Variants in GAB1 observed in about 807,000 individuals in gnomAD.
GAB1 encodes the protein GRB2 associated binding protein 1.
GAB1 carries 19 observed loss-of-function variants against 66.5 expected under a neutral mutation model. The observed-to-expected ratio is 0.29, with a 90% CI of 0.20 to 0.42. The LOEUF (loss-of-function observed/expected upper bound fraction) is 0.42. Ranked by LOEUF, GAB1 falls within the 10% of genes least tolerant of loss-of-function variation. GAB1 has a pLI of 1.00. For missense variants in GAB1, 732 were observed against 858.5 expected (o/e 0.85, Z 1.84); for synonymous variants, 294 against 301.4 (o/e 0.98, Z 0.25).
intron 6 of GAB1, among the ~76,000 whole-genome samples, chr4:143,455,214 A>C (rs1735120491): frequency 6.6e-6 from 1 of 152,176 alleles, no homozygotes; most frequent in African/African-American, 2.4e-5. Flanking sequence ...AACTCTGAAA[A>C]TTTGTACCTA....
At chr4:143,431,558 C>G (rs781154414) in intron 2 of GAB1, among the ~76,000 whole-genome samples, 65 of 152,172 alleles carry the variant, frequency 4.3e-4, no homozygotes, top group Admixed American at 5.9e-4. Flanking sequence ...TTCTGGCTTT[C>G]AAACTTTACT....
At position 143,444,464 on chromosome 4, in the gene GAB1, C is replaced by T. The variant is rs1196603275; in HGVS notation, c.1585+4082C>T. The stretch of plus-strand genomic sequence containing the variant: ...TAGATCCTTAATATTGTGTGGGGAG[C>T]ATACAGAAGACTAATCCTGAGAGTT... On this transcript the variant is annotated intron_variant, in intron 6 of 9. Coordinates refer to ENST00000262994, the MANE Select transcript of GAB1 (RefSeq NM_002039.4). Among the ~76,000 whole-genome samples the T allele has an allele frequency of 2.0e-5, 3 of 152,142 alleles. No individual in the cohort carries two copies. The East Asian group carries it at 5.8e-4, about 29-fold the overall frequency.
At chr4:143,384,066 TTG>T (rs1461571477) in intron 1 of GAB1, among the ~76,000 whole-genome samples, 1 of 151,982 alleles carries the variant, frequency 6.6e-6, no homozygotes, top group East Asian at 1.9e-4. Context: ...GAGCAAGACC[TTG>T]TCTCTAAAAA....
At chr4:143,374,261 G>A (rs1730317751) in intron 1 of GAB1, among the ~76,000 whole-genome samples, 1 of 152,120 alleles carries the variant, frequency 6.6e-6, no homozygotes, top group African/African-American at 2.4e-5. Context: ...GGATCAGAAT[G>A]TGATTAAACA....
At chr4:143,337,348 G>A (rs1192403491) in intron 1 of GAB1, 88 bp downstream of exon 1, 2 of 1,137,200 alleles carry the variant, frequency 1.8e-6, no homozygotes, top group Non-Finnish European at 1.3e-6. Context: ...CTGGCCGCGC[G>A]CGGGGCTGGT....
At chr4:143,341,050 A>C (rs923332809) in intron 1 of GAB1, among the ~76,000 whole-genome samples, 2 of 152,200 alleles carry the variant, frequency 1.3e-5, no homozygotes, top group Non-Finnish European at 2.9e-5. Flanking sequence ...TTTTTTCTAT[A>C]TTCGCAAAAG....
intron 1 of GAB1, among the ~76,000 whole-genome samples, chr4:143,345,205 A>G (rs1728950030): frequency 6.6e-6 from 1 of 152,230 alleles, no homozygotes; most frequent in African/African-American, 2.4e-5. Context: ...AATAATGTTT[A>G]TCATCTTTCT....
At position 143,337,114 on chromosome 4, in the gene GAB1, G is replaced by A; in HGVS notation, c.-75G>A. 2.2e-6 allele frequency: 3 copies of A among 1,349,072 alleles called. No individual in the cohort carries two copies. The highest frequency in any genetic ancestry group is 4.3e-5 in the Admixed American group (2 of 46,444). 83.6% of individuals were successfully genotyped at this position (1,349,072 alleles called of 1,614,324 possible). ...GCTAGGTTCTCGCCACTGCGCGCTC[G>A]GCAGGCGTCGGCTGTGTCGGGAGCG... On this transcript the variant is annotated 5_prime_UTR_variant, in exon 1 of 10. Transcript: ENST00000262994.
intron 8 of GAB1, among the ~76,000 whole-genome samples, chr4:143,464,782 T>C (rs1735693635): frequency 6.6e-6 from 1 of 152,200 alleles, no homozygotes; most frequent in Non-Finnish European, 1.5e-5. Flanking sequence ...TACCAGCTAT[T>C]AGCAGCCCTG....
chr4:143,342,543 C>CTTTTTTTTTTTT (rs5862632), intron 1 of GAB1, among the ~76,000 whole-genome samples: 1 of 62,482 alleles, frequency 1.6e-5, no homozygotes, highest in African/African-American at 6.3e-5. Context: ...GTGATAGATT[C>CTTTTTTTTTTTT]TTTTTTTTTT....
At chr4:143,356,658 G>T (rs1290958480) in intron 1 of GAB1, among the ~76,000 whole-genome samples, 1 of 152,114 alleles carries the variant, frequency 6.6e-6, no homozygotes, top group Non-Finnish European at 1.5e-5. Flanking sequence ...GTTTTAACCT[G>T]CACAGGTTCA....
At chr4:143,340,440 A>G (rs11735159) in intron 1 of GAB1, among the ~76,000 whole-genome samples, 92 of 152,316 alleles carry the variant, frequency 6.0e-4, no homozygotes, top group Non-Finnish European at 9.0e-4. Flanking sequence ...CAGCATTTAT[A>G]GGGTAGTCCG....
At chr4:143,349,705 A>G in intron 1 of GAB1, 2 of 1,565,830 alleles carry the variant, frequency 1.3e-6, no homozygotes, top group East Asian at 4.5e-5. Flanking sequence ...GGCCCCACAG[A>G]TGGCGGTGGC....
intron 2 of GAB1, among the ~76,000 whole-genome samples, chr4:143,418,489 T>A (rs1167577763): frequency 2.0e-5 from 3 of 152,194 alleles, no homozygotes; most frequent in Admixed American, 2.0e-4. Flanking sequence ...GACAGCACAT[T>A]AGTTTTATTA....
intron 6 of GAB1, among the ~76,000 whole-genome samples, chr4:143,451,206 G>T (rs35829599): frequency 1.7e-3 from 256 of 152,198 alleles, no homozygotes; most frequent in Non-Finnish European, 2.8e-3. Flanking sequence ...AGTGTGAGTG[G>T]CAATTAAATG....
intron 6 of GAB1, among the ~76,000 whole-genome samples, chr4:143,451,967 T>G (rs1357863669): frequency 6.6e-6 from 1 of 152,148 alleles, no homozygotes; most frequent in Non-Finnish European, 1.5e-5. Context: ...GTCAGGGCCT[T>G]CATTTTAAAA....
chr4:143,353,673 CAA>C (rs552747425), intron 1 of GAB1, among the ~76,000 whole-genome samples: 1 of 122,184 alleles, frequency 8.2e-6, no homozygotes. Flanking sequence ...AGATCCTGAC[CAA>C]AAAAAAAAAA....
chr4:143,378,576 T>C (rs187912768), intron 1 of GAB1, among the ~76,000 whole-genome samples: 1 of 151,950 alleles, frequency 6.6e-6, no homozygotes, highest in East Asian at 1.9e-4. Flanking sequence ...TTGACCTACA[T>C]GGATGATAGA....
In GAB1 at chr4:143,463,280, TAAC is replaced by T. The variant is rs147319778; in HGVS notation, c.1803+2799_1803+2801del. Among the ~76,000 whole-genome samples the T allele has an allele frequency of 2.3e-3, 356 of 152,192 alleles. 1 individual carries two copies. Among genetic ancestry groups the T allele is most frequent in the African/African-American group, 8.2e-3 (340 of 41,558 alleles). On this transcript the variant is annotated intron_variant, in intron 8 of 9. Transcript: ENST00000262994. ...AGGCATACATACTGTTATGTGATAA[TAAC>T]AACAAAAATATGTTAAATGATTTTA...
Sources: gnomAD v4.1 joint callset for allele counts (sites outside exome capture counted in the v4.1 genomes callset) on GRCh38, gnomAD v4.1.1 for gene constraint, MANE v1.5 for transcripts, NCBI Gene and HGNC (gene_info 2026-07-23, HGNC 2026-07-21) for gene names.